The following SRRM3 variants were observed in gnomAD, a reference collection of about 807,000 sequenced individuals.
The protein encoded by SRRM3 is serine/arginine repetitive matrix 3.
SRRM3 carries 27 observed loss-of-function variants against 66.2 expected under a neutral mutation model. That is an observed-to-expected ratio of 0.41 (90% CI 0.30 to 0.56). The LOEUF (loss-of-function observed/expected upper bound fraction) is 0.56. Ranked by LOEUF, SRRM3 falls within the 20% of genes least tolerant of loss-of-function variation. The pLI is 0.32. For synonymous variants in SRRM3, 391 were observed against 414.9 expected, an observed-to-expected ratio of 0.94 and a Z score of 0.70; for missense variants, 918 against 991.9, an observed-to-expected ratio of 0.93 and a Z score of 1.00.
intron 8 of SRRM3, among the ~76,000 whole-genome samples, chr7:76,263,877 C>A (rs868907286): frequency 0.28 from 13,695 of 49,262 alleles, 1,415 homozygotes; most frequent in Admixed American, 0.32. Flanking sequence ...TGTCTCAAGA[C>A]AAAAAAAAAA....
chr7:76,235,345 C>G, intron 2 of SRRM3, 46 bp downstream of exon 2: 3 of 1,326,060 alleles, frequency 2.3e-6, no homozygotes, highest in East Asian at 2.9e-5. Context: ...ATAGGCGGGG[C>G]GAGGGTGGGA....
chr7:76,266,273 ATT>A (rs1802039277), intron 10 of SRRM3, among the ~76,000 whole-genome samples: 1 of 72,920 alleles, frequency 1.4e-5, no homozygotes, highest in Non-Finnish European at 3.0e-5. Flanking sequence ...TTTATATTTA[ATT>A]ATATTATATA....
At chr7:76,210,495 C>T (rs1477298157) in intron 1 of SRRM3, among the ~76,000 whole-genome samples, 1 of 152,198 alleles carries the variant, frequency 6.6e-6, no homozygotes, top group African/African-American at 2.4e-5. Context: ...TTCATTCATT[C>T]ATCACACAGC....
intron 1 of SRRM3, among the ~76,000 whole-genome samples, chr7:76,228,648 T>C (rs1800939098): frequency 6.6e-6 from 1 of 152,004 alleles, no homozygotes; most frequent in African/African-American, 2.4e-5. Context: ...CATGTGAACC[T>C]GAGAGGCGGA....
At position 76,235,017 on chromosome 7, in the gene SRRM3, C is replaced by T. The variant is rs1801105532; in HGVS notation, c.-39-11C>T. 1.4e-6 allele frequency: 2 copies of T among 1,465,624 alleles called. No homozygotes were observed. Among genetic ancestry groups the T allele is most frequent in the Non-Finnish European group, 1.8e-6 (2 of 1,098,526 alleles). The allele number at this position is 1,465,624 out of a possible 1,614,324, so 90.8% of individuals were successfully genotyped here. A position where few individuals can be genotyped will look rare whatever the true frequency, so the allele number is the denominator to read the frequency against. The stretch of plus-strand genomic sequence containing the variant: ...TGACCATCCCGCCTCGTGTCTGTGT[C>T]TGTCCCTCAGGGCCAGCGGCCCAGG... On this transcript the variant is annotated splice_polypyrimidine_tract_variant and intron_variant, in intron 1 of 14. Coordinates refer to ENST00000611745, the MANE Select transcript of SRRM3 (RefSeq NM_001110199.3).
At position 76,235,286 on chromosome 7, in the gene SRRM3, A is replaced by G; in HGVS notation, c.220A>G (p.Met74Val). The stretch of plus-strand genomic sequence containing the variant: ...CAAGTGCATGGAGCTGCAGGAGATG[A>G]TGGAGGAGCAGGGGTGAGCAGGCCG... ...ELKCMELQEMMEEQGYSEEEI... is the reference protein window; with the variant it reads ...ELKCMELQEMVEEQGYSEEEI... The change falls in exon 2 of 15, where the codon ATG becomes GTG. Residue 74 changes from methionine (M) to valine (V), a missense_variant. Transcript: ENST00000611745. The G allele has an allele frequency of 6.6e-7, 1 of 1,505,490 alleles. No homozygotes were observed. Among genetic ancestry groups the G allele is most frequent in the Non-Finnish European group, 8.9e-7 (1 of 1,129,564 alleles). 93.3% of individuals were successfully genotyped at this position (1,505,490 alleles called of 1,614,324 possible).
intron 14 of SRRM3, chr7:76,283,649 C>T (rs1802589600): frequency 1.7e-6 from 1 of 576,676 alleles, no homozygotes; most frequent in Non-Finnish European, 3.0e-6. Context: ...CTGCCTCTCT[C>T]TTTCTCACTA....
At chr7:76,240,387 G>A (rs372572021) in intron 2 of SRRM3, among the ~76,000 whole-genome samples, 25 of 152,154 alleles carry the variant, frequency 1.6e-4, no homozygotes, top group Admixed American at 6.5e-4. Flanking sequence ...TTGGGAGGCC[G>A]AGGCGAGCAG....
At chr7:76,253,951 G>A (rs2117040784) in intron 3 of SRRM3, among the ~76,000 whole-genome samples, 1 of 152,156 alleles carries the variant, frequency 6.6e-6, no homozygotes, top group East Asian at 1.9e-4. Context: ...GGGACTCTCA[G>A]GACAGGTTGT....
At position 76,235,423 on chromosome 7, in the gene SRRM3, T is replaced by A; in HGVS notation, c.233+124T>A. On this transcript the variant is annotated intron_variant, in intron 2 of 14. Coordinates refer to ENST00000611745, the MANE Select transcript of SRRM3 (RefSeq NM_001110199.3). ...CGGGGAGAAGGGCGGGGCTAGGGGCTATTAGGGCGGAGTCGGGCGACTGTG... is the reference window on the plus strand; with the variant it reads ...CGGGGAGAAGGGCGGGGCTAGGGGCAATTAGGGCGGAGTCGGGCGACTGTG... The A allele has an allele frequency of 1.1e-5, 10 of 891,680 alleles. No homozygotes were observed. In the South Asian group the frequency reaches 1.6e-4, roughly 15 times the overall value. 55.2% of individuals were successfully genotyped at this position (891,680 alleles called of 1,614,324 possible).
intron 8 of SRRM3, among the ~76,000 whole-genome samples, chr7:76,264,161 C>CTTTT (rs781826102): frequency 1.6e-5 from 2 of 126,360 alleles, no homozygotes; most frequent in African/African-American, 3.1e-5. Context: ...CAACCCCTGC[C>CTTTT]TTTTTTTTTT....
intron 14 of SRRM3, among the ~76,000 whole-genome samples, chr7:76,284,172 CT>C (rs61170781): frequency 0.019 from 2,600 of 134,570 alleles, 36 homozygotes; most frequent in African/African-American, 0.046. Context: ...GCTACTGCTT[CT>C]TTTTTTTTTT....
At chr7:76,251,376 CTTTTTTT>C (rs782717745) in intron 3 of SRRM3, among the ~76,000 whole-genome samples, 1 of 142,438 alleles carries the variant, frequency 7.0e-6, no homozygotes, top group Non-Finnish European at 1.5e-5. Flanking sequence ...CCCAGCAGCA[CTTTTTTT>C]TTTTTTTTTG....
intron 11 of SRRM3, among the ~76,000 whole-genome samples, chr7:76,270,181 C>T (rs1351454568): frequency 2.6e-5 from 4 of 152,122 alleles, no homozygotes; most frequent in African/African-American, 4.8e-5. Context: ...TCCTGGGTTG[C>T]CCAGGGAGCT....
chr7:76,221,394 G>GC (rs1800716313), intron 1 of SRRM3, among the ~76,000 whole-genome samples: 1 of 84,888 alleles, frequency 1.2e-5, no homozygotes, highest in African/African-American at 6.3e-5. Context: ...ACGGAGTCTC[G>GC]CTCTGTCGCC....
chr7:76,244,185 C>G (rs1195961508), intron 2 of SRRM3, among the ~76,000 whole-genome samples: 4 of 152,158 alleles, frequency 2.6e-5, no homozygotes, highest in African/African-American at 9.7e-5. Context: ...AGGCTGAACC[C>G]ACACAGACTC....
chr7:76,255,148 CTTTTTTT>C (rs57880700), intron 3 of SRRM3, among the ~76,000 whole-genome samples: 1 of 83,176 alleles, frequency 1.2e-5, no homozygotes, highest in Admixed American at 1.6e-4. Context: ...TTCTTTCTTT[CTTTTTTT>C]TTTTTTTTTT....
intron 2 of SRRM3, among the ~76,000 whole-genome samples, chr7:76,240,890 GT>G (rs142686332): frequency 6.6e-6 from 1 of 151,660 alleles, no homozygotes; most frequent in African/African-American, 2.4e-5. Flanking sequence ...CCTTGACGTT[GT>G]TTTTTTGGTT....
At chr7:76,214,019 C>T (rs147990256) in intron 1 of SRRM3, among the ~76,000 whole-genome samples, 1,533 of 152,046 alleles carry the variant, frequency 0.01, 23 homozygotes, top group African/African-American at 0.033. Context: ...ACTAAGTGAT[C>T]CTTCCACCTC....
Sources: allele counts gnomAD v4.1 joint callset (sites outside exome capture counted in the v4.1 genomes callset), GRCh38; gene constraint gnomAD v4.1.1; transcripts MANE v1.5; gene names NCBI Gene and HGNC (gene_info 2026-07-23, HGNC 2026-07-21).